Variants in JCAD observed in about 807,000 individuals in gnomAD.
JCAD encodes the protein junctional cadherin 5 associated.
In JCAD, 40 loss-of-function variants were observed where a neutral mutation model predicts 98.0. The observed-to-expected ratio is 0.41, with a 90% confidence interval of 0.32 to 0.53. JCAD has a LOEUF of 0.53. Among genes scored for constraint, JCAD ranks in the 20% least tolerant of loss-of-function variants. JCAD has a pLI of 0.31. For missense variants in JCAD, 1,705 were observed against 1,738.1 expected, an observed-to-expected ratio of 0.98 and a Z score of 0.34; for synonymous variants, 691 against 682.3, an observed-to-expected ratio of 1.01 and a Z score of -0.20.
chr10:30,035,984 C>T lies in JCAD; in HGVS notation c.282-6118G>A, dbSNP rs148298900. 3.0e-3 allele frequency among the ~76,000 whole-genome samples: 454 copies of T among 152,274 alleles called. 12 individuals are homozygous for T. Among genetic ancestry groups the T allele is most frequent in the Admixed American group, 0.024 (370 of 15,308 alleles). ...GCTTGGGAAACATCTGAAATATGAG[C>T]ATGTGAAAAACAATATGTTTAACAG... On this transcript the variant is annotated intron_variant, in intron 2 of 3. Transcript: ENST00000375377.
intron 2 of JCAD, 142 bp downstream of exon 2, chr10:30,047,390 G>T: frequency 1.9e-6 from 2 of 1,033,080 alleles, no homozygotes; most frequent in Non-Finnish European, 2.8e-6. Context: ...AAAACAAAAA[G>T]CAAAAAAAGT....
intron 1 of JCAD, among the ~76,000 whole-genome samples, chr10:30,114,608 G>A (rs1838761086): frequency 6.6e-6 from 1 of 150,512 alleles, no homozygotes; most frequent in South Asian, 2.1e-4. Context: ...AAACCAGGAG[G>A]TGTGGTGGCA....
intron 1 of JCAD, among the ~76,000 whole-genome samples, chr10:30,092,220 T>C (rs1285034404): frequency 6.7e-6 from 1 of 148,706 alleles, no homozygotes; most frequent in Non-Finnish European, 1.5e-5. Flanking sequence ...CTAGGGATCC[T>C]CTGGAAGGAG....
chr10:30,050,248 G>A (rs958292124), intron 1 of JCAD, among the ~76,000 whole-genome samples: 9 of 148,698 alleles, frequency 6.1e-5, no homozygotes, highest in African/African-American at 2.0e-4. Flanking sequence ...CCTGGAGGCG[G>A]AGGTGGCCAT....
intron 3 of JCAD, among the ~76,000 whole-genome samples, chr10:30,019,575 C>T (rs1589674054): frequency 6.8e-6 from 1 of 147,208 alleles, no homozygotes; most frequent in South Asian, 2.1e-4. Context: ...AAGTTGAAAT[C>T]ACAGTAACAG....
intron 3 of JCAD, among the ~76,000 whole-genome samples, chr10:30,018,540 C>T (rs940070002): frequency 5.9e-5 from 9 of 152,112 alleles, no homozygotes; most frequent in African/African-American, 2.2e-4. Context: ...TGGCCCCTCA[C>T]GCACTGATCC....
At chr10:30,052,216 TTC>T (rs1218441991) in intron 1 of JCAD, among the ~76,000 whole-genome samples, 21 of 152,194 alleles carry the variant, frequency 1.4e-4, no homozygotes, top group Admixed American at 1.4e-3. Context: ...GAGTGTCTGT[TTC>T]TCCATGGTGC....
At chr10:30,111,246 C>T (rs186083530) in intron 1 of JCAD, among the ~76,000 whole-genome samples, 195 of 152,262 alleles carry the variant, frequency 1.3e-3, no homozygotes, top group African/African-American at 4.2e-3. Context: ...GACAGCCCTT[C>T]GGGACCCAGC....
chr10:30,048,403 G>A (rs1021858407), intron 1 of JCAD, among the ~76,000 whole-genome samples: 6 of 152,236 alleles, frequency 3.9e-5, no homozygotes, highest in African/African-American at 1.4e-4. Context: ...ACAATTCAGC[G>A]GAAGCCATCG....
chr10:30,046,218 G>C (rs1837333032), intron 2 of JCAD, among the ~76,000 whole-genome samples: 1 of 152,144 alleles, frequency 6.6e-6, no homozygotes, highest in Non-Finnish European at 1.5e-5. Flanking sequence ...TGTTAGGAAG[G>C]GATGACAAAG....
At chr10:30,105,037 A>T (rs893695899) in intron 1 of JCAD, among the ~76,000 whole-genome samples, 1 of 152,186 alleles carries the variant, frequency 6.6e-6, no homozygotes, top group Non-Finnish European at 1.5e-5. Flanking sequence ...CAGATCAGGA[A>T]ATGAGTTTGA....
At chr10:30,065,248 T>C (rs1319101296) in intron 2 of JCAD, among the ~76,000 whole-genome samples, 1 of 152,192 alleles carries the variant, frequency 6.6e-6, no homozygotes, top group African/African-American at 2.4e-5. Flanking sequence ...TGGAAGAGAA[T>C]ACTTTGAATG....
In JCAD at chr10:30,105,120, T is replaced by C. The variant is rs1394925559; in HGVS notation, n.128+10247A>G. ...GTCACTTTTATTCCTAAATGCACCCTCTTCACTGAGCTGCTGTCCTGCCCT... is the reference window on the plus strand; with the variant it reads ...GTCACTTTTATTCCTAAATGCACCCCCTTCACTGAGCTGCTGTCCTGCCCT... On this transcript the variant is annotated intron_variant and non_coding_transcript_variant, in intron 1 of 2. Transcript: ENST00000465712. 2.0e-5 allele frequency among the ~76,000 whole-genome samples: 3 copies of C among 152,214 alleles called. No individual in the cohort carries two copies. The East Asian group carries it at 5.8e-4, about 29-fold the overall frequency.
chr10:30,080,105 T>C (rs1838056356), intron 1 of JCAD, among the ~76,000 whole-genome samples: 1 of 152,212 alleles, frequency 6.6e-6, no homozygotes, highest in Non-Finnish European at 1.5e-5. Context: ...ATTCTCTTCC[T>C]GTCCAGTGGT....
At chr10:30,088,202 G>A (rs1254689232) in intron 1 of JCAD, among the ~76,000 whole-genome samples, 1 of 152,204 alleles carries the variant, frequency 6.6e-6, no homozygotes, top group African/African-American at 2.4e-5. Flanking sequence ...AAAAAGCAAA[G>A]TAGGCTGAGT....
At chr10:30,101,493 T>C (rs1838470207) in intron 1 of JCAD, among the ~76,000 whole-genome samples, 1 of 152,218 alleles carries the variant, frequency 6.6e-6, no homozygotes, top group Non-Finnish European at 1.5e-5. Flanking sequence ...TATCATGGCA[T>C]GAAACTAGTT....
intron 2 of JCAD, among the ~76,000 whole-genome samples, chr10:30,040,363 A>C (rs1401147925): frequency 6.6e-6 from 1 of 152,218 alleles, no homozygotes; most frequent in Middle Eastern, 3.2e-3. Flanking sequence ...CTAATAGGTA[A>C]GGCAGATTAT....
At chr10:30,062,828 A>T (rs761900232), upstream of JCAD, among the ~76,000 whole-genome samples, 1 of 152,356 alleles carries the variant, frequency 6.6e-6, no homozygotes, top group East Asian at 1.9e-4. Context: ...TCCCTCCCAC[A>T]ACACGTAAGG....
intron 2 of JCAD, among the ~76,000 whole-genome samples, chr10:30,030,984 G>A (rs559516198): frequency 4.6e-5 from 7 of 150,914 alleles, no homozygotes; most frequent in Non-Finnish European, 8.8e-5. Flanking sequence ...TGAGAAAGAT[G>A]TCTCTAGCAG....
Sources: allele counts gnomAD v4.1 joint callset (sites outside exome capture counted in the v4.1 genomes callset), GRCh38; gene constraint gnomAD v4.1.1; transcripts MANE v1.5; gene names NCBI Gene and HGNC (gene_info 2026-07-23, HGNC 2026-07-21).